ATF6: variants seen among roughly 807,000 people sequenced by gnomAD.
ATF6 encodes the protein activating transcription factor 6.
Under a neutral mutation model 83.6 loss-of-function variants are expected in ATF6, and 53 were observed. The observed-to-expected ratio is 0.63, with a 90% CI of 0.51 to 0.80. ATF6 has a LOEUF of 0.80. Among genes scored for constraint, ATF6 ranks in the 30% least tolerant of loss-of-function variants. The pLI is 0.00. For missense variants in ATF6, 744 were observed against 797.9 expected, an observed-to-expected ratio of 0.93 and a Z score of 0.81; for synonymous variants, 288 against 285.8, an observed-to-expected ratio of 1.01 and a Z score of -0.08.
In ATF6 at chr1:161,912,307, G is replaced by C. The variant is rs1571232017; in HGVS notation, c.1731G>C (p.Leu577=). The change falls in exon 15 of 16, where the codon CTG becomes CTC. Residue 577 remains leucine (L), a synonymous_variant. Coordinates refer to ENST00000367942, the MANE Select transcript of ATF6 (RefSeq NM_007348.4). ...TTTGTTAATTTTAGGATCACCTGCTGTTACCAGCTACCACCCATAACAAGA... is the reference window on the plus strand; with the variant it reads ...TTTGTTAATTTTAGGATCACCTGCTCTTACCAGCTACCACCCATAACAAGA... The part of the protein sequence containing the change: ...YVVSFRRDHL[L]LPATTHNKTT... The C allele has an allele frequency of 6.2e-7, 1 of 1,605,112 alleles. No individual in the cohort carries two copies. The highest frequency in any genetic ancestry group is 8.5e-7 in the Non-Finnish European group (1 of 1,176,112).
At chr1:161,901,809 T>C (rs1310387384) in intron 14 of ATF6, among the ~76,000 whole-genome samples, 1 of 152,170 alleles carries the variant, frequency 6.6e-6, no homozygotes, top group African/African-American at 2.4e-5. Context: ...AGTGATACTT[T>C]TACCCTCTGT....
intron 1 of ATF6, 122 bp downstream of exon 1, chr1:161,766,564 C>T (rs1684269098): frequency 2.7e-6 from 2 of 749,506 alleles, no homozygotes; most frequent in South Asian, 3.7e-5. Context: ...AGTGAGGCCC[C>T]TCGTCACTCC....
At position 161,958,637 on chromosome 1, in the gene ATF6, C is replaced by T. The variant is rs1172518255; in HGVS notation, c.1996C>T (p.Pro666Ser). 1.2e-6 allele frequency: 2 copies of T among 1,612,744 alleles called. No individual in the cohort carries two copies. Among genetic ancestry groups the T allele is most frequent in the Admixed American group, 3.3e-5 (2 of 59,972 alleles). ...TEATHVVSTI[P>S]ESLQ ...GGCAACCCACGTTGTCAGCACCATC[C>T]CTGAGTCATTACAATAGCACCCTGC... is the stretch of plus-strand genomic sequence containing the variant. The change falls in exon 16 of 16, where the codon CCT (proline) becomes TCT (serine). Residue 666 changes from proline to serine, a missense_variant. Pro to Ser is a moderately conservative substitution (Grantham distance 74). Transcript: ENST00000367942.
chr1:161,854,234 T>A (rs1686706108), intron 12 of ATF6, among the ~76,000 whole-genome samples: 1 of 152,194 alleles, frequency 6.6e-6, no homozygotes, highest in Non-Finnish European at 1.5e-5. Context: ...ATAAAATTTT[T>A]TCACTTGCAC....
At chr1:161,851,896 C>A in intron 11 of ATF6, 61 bp downstream of exon 11, 1 of 1,228,258 alleles carries the variant, frequency 8.1e-7, no homozygotes, top group Non-Finnish European at 1.2e-6. Flanking sequence ...GTTTTGGAAC[C>A]TAGACAAGTA....
chr1:161,919,902 A>G (rs1277601929), intron 15 of ATF6, among the ~76,000 whole-genome samples: 1 of 152,232 alleles, frequency 6.6e-6, no homozygotes, highest in Non-Finnish European at 1.5e-5. Context: ...AGAGGTCGTA[A>G]CAGAAGGGTA....
At chr1:161,937,659 A>G (rs112298225) in intron 15 of ATF6, among the ~76,000 whole-genome samples, 1,963 of 150,368 alleles carry the variant, frequency 0.013, 14 homozygotes, top group South Asian at 0.018. Context: ...CGAACACTGC[A>G]TGTTCTCACT....
chr1:161,917,652 C>T (rs1044433964), intron 15 of ATF6, among the ~76,000 whole-genome samples: 3 of 152,106 alleles, frequency 2.0e-5, no homozygotes, highest in Non-Finnish European at 4.4e-5. Context: ...GATGTCCTGA[C>T]CTCGTGATCC....
intron 9 of ATF6, among the ~76,000 whole-genome samples, chr1:161,832,903 A>C (rs1686103040): frequency 6.6e-6 from 1 of 152,180 alleles, no homozygotes; most frequent in South Asian, 2.1e-4. Flanking sequence ...CTTTGAAGAG[A>C]GTAGTGGTTC....
intron 15 of ATF6, among the ~76,000 whole-genome samples, chr1:161,937,676 T>G (rs1688564766): frequency 7.4e-6 from 1 of 136,008 alleles, no homozygotes; most frequent in Admixed American, 8.3e-5. Flanking sequence ...CACTCATAAG[T>G]GGGAGTTGAA....
intron 9 of ATF6, among the ~76,000 whole-genome samples, chr1:161,842,966 A>G (rs879810909): frequency 3.3e-5 from 5 of 152,224 alleles, no homozygotes; most frequent in South Asian, 4.1e-4. Context: ...TGATTATTGT[A>G]TACTGTACAC....
At chr1:161,888,748 A>T (rs1014035685) in intron 14 of ATF6, among the ~76,000 whole-genome samples, 9 of 151,986 alleles carry the variant, frequency 5.9e-5, no homozygotes, top group Admixed American at 3.3e-4. Context: ...CTCTCCTTCA[A>T]ATCCACCTCC....
intron 7 of ATF6, among the ~76,000 whole-genome samples, chr1:161,804,176 T>C (rs1685224115): frequency 6.6e-6 from 1 of 152,076 alleles, no homozygotes; most frequent in African/African-American, 2.4e-5. Flanking sequence ...TGAATGTTTC[T>C]TATATAATAC....
chr1:161,939,602 C>T (rs146850940), intron 15 of ATF6, among the ~76,000 whole-genome samples: 113 of 152,330 alleles, frequency 7.4e-4, no homozygotes, highest in African/African-American at 2.5e-3. Context: ...TGGAGACCCA[C>T]GCTCTTTCTT....
Position 161,960,971 on chromosome 1 carries a change from C to T in ATF6, c.*2317C>T, listed in dbSNP as rs1689087556. On this transcript the variant is annotated 3_prime_UTR_variant, in exon 16 of 16. Coordinates refer to ENST00000367942, the MANE Select transcript of ATF6 (RefSeq NM_007348.4). ...CATACGTTATCATGGTCAATGTAAA[C>T]CTGGTTTGTGTGGGGTGATTATAAA... The T allele has an allele frequency of 6.6e-6, 1 of 152,162 alleles. No homozygotes were observed. Among genetic ancestry groups the T allele is most frequent in the South Asian group, 2.1e-4 (1 of 4,826 alleles). The allele number at this position is 152,162 out of a possible 1,614,324, so 9.4% of individuals were successfully genotyped here. A position where few individuals can be genotyped will look rare whatever the true frequency, so the allele number is the denominator to read the frequency against.
intron 14 of ATF6, among the ~76,000 whole-genome samples, chr1:161,888,624 G>A (rs1431712055): frequency 3.3e-5 from 5 of 152,070 alleles, no homozygotes; most frequent in Non-Finnish European, 7.4e-5. Flanking sequence ...ACCAAGTACT[G>A]TTAATTTTAC....
chr1:161,859,154 T>G (rs1301591803), intron 12 of ATF6, among the ~76,000 whole-genome samples: 1 of 152,190 alleles, frequency 6.6e-6, no homozygotes, highest in African/African-American at 2.4e-5. Flanking sequence ...AACAGAGCAT[T>G]TATTGAACAC....
chr1:161,943,267 G>A (rs1259365196), intron 15 of ATF6, among the ~76,000 whole-genome samples: 3 of 152,082 alleles, frequency 2.0e-5, no homozygotes, highest in South Asian at 2.1e-4. Context: ...TGAGTCTCAC[G>A]AGATCTGATG....
rs2101925184 is a variant in ATF6 at position 161,958,639 on chromosome 1, T to C, written c.1998T>C (p.Pro666=). ...CAACCCACGTTGTCAGCACCATCCC[T>C]GAGTCATTACAATAGCACCCTGCAG... The part of the protein sequence containing the change: ...TEATHVVSTI[P]ESLQ The change falls in exon 16 of 16, where the codon CCT becomes CCC. Residue 666 remains proline, a synonymous_variant. Transcript: ENST00000367942. The C allele has an allele frequency of 4.3e-6, 7 of 1,612,526 alleles. No homozygotes were observed. Among genetic ancestry groups the C allele is most frequent in the Non-Finnish European group, 5.9e-6 (7 of 1,179,244 alleles).
Sources: gnomAD v4.1 joint callset for allele counts (sites outside exome capture counted in the v4.1 genomes callset) on GRCh38, gnomAD v4.1.1 for gene constraint, MANE v1.5 for transcripts, NCBI Gene and HGNC (gene_info 2026-07-23, HGNC 2026-07-21) for gene names.